STK39: variants seen among roughly 807,000 people sequenced by gnomAD.
STK39 encodes STE20/SPS1-related proline-alanine-rich protein kinase.
A neutral mutation model predicts 77.8 loss-of-function variants in STK39; 20 were observed. The ratio of observed to expected loss-of-function variants is 0.26; its 90% CI spans 0.18 to 0.37. The LOEUF (loss-of-function observed/expected upper bound fraction) is 0.37. STK39 is among the 10% of genes least tolerant of loss of function. The pLI is 1.00. For missense variants in STK39, 479 were observed against 656.5 expected, an observed-to-expected ratio of 0.73 and a Z score of 2.95; for synonymous variants, 246 against 234.1, an observed-to-expected ratio of 1.05 and a Z score of -0.47.
intron 16 of STK39, among the ~76,000 whole-genome samples, chr2:167,965,457 T>A (rs1394466109): frequency 6.6e-6 from 1 of 152,224 alleles, no homozygotes; most frequent in Non-Finnish European, 1.5e-5. Flanking sequence ...CTTCACGGTG[T>A]AATGATCTAT....
At chr2:168,208,700 T>C (rs1376932085) in intron 1 of STK39, among the ~76,000 whole-genome samples, 2 of 152,198 alleles carry the variant, frequency 1.3e-5, no homozygotes, top group Admixed American at 6.5e-5. Context: ...TACCCTGAAA[T>C]AGGCAGGACC....
chr2:168,119,510 C>T (rs1413779740), intron 10 of STK39, among the ~76,000 whole-genome samples: 1 of 152,138 alleles, frequency 6.6e-6, no homozygotes, highest in Non-Finnish European at 1.5e-5. Flanking sequence ...AGTGAAAAGT[C>T]GTTAAACCAT....
chr2:168,115,453 C>T (rs1439210082), intron 10 of STK39, among the ~76,000 whole-genome samples: 1 of 152,092 alleles, frequency 6.6e-6, no homozygotes, highest in Admixed American at 6.6e-5. Flanking sequence ...AATCCTGTTC[C>T]TAGGAAATAG....
chr2:168,113,899 T>C (rs1356263041), intron 10 of STK39, among the ~76,000 whole-genome samples: 1 of 152,150 alleles, frequency 6.6e-6, no homozygotes, highest in African/African-American at 2.4e-5. Context: ...CCCATAGAAA[T>C]AACATATCAC....
At chr2:167,984,634 C>T (rs1683510097) in intron 16 of STK39, among the ~76,000 whole-genome samples, 1 of 152,052 alleles carries the variant, frequency 6.6e-6, no homozygotes, top group African/African-American at 2.4e-5. Context: ...GATGTTTATA[C>T]ATGCTAAAAA....
intron 16 of STK39, among the ~76,000 whole-genome samples, chr2:167,999,090 C>A (rs6433022): frequency 1.3e-5 from 2 of 152,022 alleles, no homozygotes; most frequent in African/African-American, 4.8e-5. Context: ...TGGCCCCTGC[C>A]CCCTCCCCAT....
intron 14 of STK39, among the ~76,000 whole-genome samples, chr2:168,027,310 C>A (rs1684723252): frequency 6.6e-6 from 1 of 152,174 alleles, no homozygotes; most frequent in South Asian, 2.1e-4. Context: ...CCCCTCCAAA[C>A]CCTTGCCCTT....
intron 1 of STK39, among the ~76,000 whole-genome samples, chr2:168,202,183 A>C (rs1363307365): frequency 6.6e-6 from 1 of 152,194 alleles, no homozygotes; most frequent in Non-Finnish European, 1.5e-5. Flanking sequence ...AACTTCCTAA[A>C]CAGAATGTCT....
chr2:168,132,355 C>T (rs75183503), intron 8 of STK39, among the ~76,000 whole-genome samples: 9,818 of 151,972 alleles, frequency 0.065, 476 homozygotes, highest in Non-Finnish European at 0.087. Flanking sequence ...TTGCTATTTC[C>T]AACCCATCAT....
chr2:168,074,890 G>C, intron 12 of STK39, 92 bp downstream of exon 12: 1 of 1,442,684 alleles, frequency 6.9e-7, no homozygotes, highest in Non-Finnish European at 9.4e-7. Flanking sequence ...TACTCCATGA[G>C]ATTTTGAAGC....
intron 1 of STK39, among the ~76,000 whole-genome samples, chr2:168,186,573 C>A (rs16855074): frequency 0.15 from 23,386 of 152,134 alleles, 2,171 homozygotes; most frequent in African/African-American, 0.25. Flanking sequence ...GGGATTCTAT[C>A]CAAACGTGGT....
At chr2:168,074,859 C>T in intron 12 of STK39, 123 bp downstream of exon 12, 3 of 1,149,242 alleles carry the variant, frequency 2.6e-6, no homozygotes, top group Admixed American at 2.6e-5. Flanking sequence ...GCAAAGTCCT[C>T]GTGCCTTTCC....
intron 15 of STK39, 62 bp from the exon 16 acceptor site, chr2:168,012,764 C>A (rs1684303345): frequency 7.2e-7 from 1 of 1,390,744 alleles, no homozygotes. Flanking sequence ...CAACCCAGTA[C>A]AATGTAAAAT....
intron 10 of STK39, among the ~76,000 whole-genome samples, chr2:168,100,519 C>T (rs970888411): frequency 3.3e-5 from 5 of 152,178 alleles, no homozygotes; most frequent in African/African-American, 1.2e-4. Context: ...CTGCCACGGC[C>T]TCCCAAAGTG....
chr2:168,138,301 TA>T, intron 7 of STK39, 80 bp from the exon 8 acceptor site: 1 of 1,508,020 alleles, frequency 6.6e-7, no homozygotes, highest in South Asian at 1.3e-5. Context: ...CATAAAAGTG[TA>T]AAAAACCATC....
At chr2:168,083,325 A>G (rs1686288036) in intron 10 of STK39, among the ~76,000 whole-genome samples, 1 of 151,656 alleles carries the variant, frequency 6.6e-6, no homozygotes, top group Non-Finnish European at 1.5e-5. Context: ...CACTGGACAT[A>G]TAACATATCA....
chr2:168,144,844 G>A (rs1292622058), intron 5 of STK39, among the ~76,000 whole-genome samples: 2 of 151,894 alleles, frequency 1.3e-5, no homozygotes, highest in Admixed American at 6.6e-5. Flanking sequence ...AGGTGGGTGC[G>A]GTGGCATGCA....
At chr2:168,116,739 C>A (rs1161755881) in intron 10 of STK39, among the ~76,000 whole-genome samples, 1 of 152,150 alleles carries the variant, frequency 6.6e-6, no homozygotes, top group African/African-American at 2.4e-5. Flanking sequence ...ATGATAGAAC[C>A]CTTCCTTTCC....
intron 10 of STK39, among the ~76,000 whole-genome samples, chr2:168,098,807 A>T (rs1686741952): frequency 6.6e-6 from 1 of 152,216 alleles, no homozygotes; most frequent in East Asian, 1.9e-4. Context: ...CCAACAATGT[A>T]TTAATATCAT....
Sources: allele counts gnomAD v4.1 joint callset (sites outside exome capture counted in the v4.1 genomes callset), GRCh38; gene constraint gnomAD v4.1.1; transcripts MANE v1.5; gene names NCBI Gene and HGNC (gene_info 2026-07-23, HGNC 2026-07-21).